The following GPC6 variants were observed in gnomAD, a reference collection of about 807,000 sequenced individuals.
GPC6 encodes glypican 6.
Under a neutral mutation model 55.2 loss-of-function variants are expected in GPC6, and 14 were observed. That is an observed-to-expected ratio of 0.25 (90% CI 0.17 to 0.40). The LOEUF is 0.40. Ranked by LOEUF, GPC6 falls within the 10% of genes least tolerant of loss-of-function variation. The pLI, the probability that GPC6 is intolerant of heterozygous loss-of-function variation, is 1.00. For synonymous variants in GPC6, 278 were observed against 259.6 expected, an observed-to-expected ratio of 1.07 and a Z score of -0.68; for missense variants, 641 against 708.5, an observed-to-expected ratio of 0.90 and a Z score of 1.08.
chr13:93,687,098 A>C (rs1292869305), intron 2 of GPC6, among the ~76,000 whole-genome samples: 1 of 152,046 alleles, frequency 6.6e-6, no homozygotes, highest in Non-Finnish European at 1.5e-5. Flanking sequence ...TTGCTGGAAT[A>C]TTTTCATTTC....
chr13:93,326,375 T>A (rs1346644245), intron 1 of GPC6, among the ~76,000 whole-genome samples: 1 of 152,092 alleles, frequency 6.6e-6, no homozygotes, highest in Non-Finnish European at 1.5e-5. Flanking sequence ...GGTCCATGGG[T>A]CATACTTTAA....
intron 4 of GPC6, among the ~76,000 whole-genome samples, chr13:94,119,019 T>C (rs1295302434): frequency 7.9e-6 from 1 of 126,152 alleles, no homozygotes; most frequent in East Asian, 2.1e-4. Flanking sequence ...TGTGTGTGTG[T>C]GTGTGTACAC....
chr13:94,305,688 C>T (rs1432325665), intron 5 of GPC6, among the ~76,000 whole-genome samples: 1 of 152,070 alleles, frequency 6.6e-6, no homozygotes, highest in Non-Finnish European at 1.5e-5. Flanking sequence ...TCTGGGGTTA[C>T]AAATAAATTT....
intron 2 of GPC6, among the ~76,000 whole-genome samples, chr13:93,777,234 A>T (rs1300355252): frequency 6.6e-6 from 1 of 152,102 alleles, no homozygotes; most frequent in Non-Finnish European, 1.5e-5. Flanking sequence ...TAATTTCCCA[A>T]GCCCCGTCTC....
At position 93,227,480 on chromosome 13, in the gene GPC6, G is replaced by C. The variant is rs1192981854; in HGVS notation, c.24G>C (p.Val8=). Residue 8 remains valine (V), a synonymous_variant, in exon 1 of 9, where the codon GTG becomes GTC. Coordinates refer to ENST00000377047, the MANE Select transcript of GPC6 (RefSeq NM_005708.5). The surrounding 1 kb of genome is among the most constrained non-coding windows in gnomAD (Gnocchi z 4.3). ...CCATGCCTTCTTGGATCGGGGCTGT[G>C]ATTCTTCCCCTCTTGGGGCTGCTGC... MPSWIGA[V]ILPLLGLLLS... The C allele has an allele frequency of 6.2e-7, 1 of 1,613,964 alleles. No individual in the cohort carries two copies. The highest frequency in any genetic ancestry group is 1.7e-5 in the Admixed American group (1 of 60,024).
chr13:93,428,218 T>A (rs368730834), intron 1 of GPC6, among the ~76,000 whole-genome samples: 1 of 152,228 alleles, frequency 6.6e-6, no homozygotes, highest in African/African-American at 2.4e-5. Flanking sequence ...TGAGGATTTA[T>A]GTATAATATA....
intron 1 of GPC6, among the ~76,000 whole-genome samples, chr13:93,411,560 A>G (rs1450264169): frequency 6.6e-6 from 1 of 152,160 alleles, no homozygotes; most frequent in African/African-American, 2.4e-5. Context: ...ATTATTCTCT[A>G]ATCAGTATGA....
At chr13:94,039,168 G>T (rs1259229166) in intron 4 of GPC6, among the ~76,000 whole-genome samples, 1 of 151,988 alleles carries the variant, frequency 6.6e-6, no homozygotes, top group Non-Finnish European at 1.5e-5. Context: ...TGTACATGGA[G>T]GTAAGGTTGG....
At chr13:93,983,408 A>C (rs896040752) in intron 3 of GPC6, among the ~76,000 whole-genome samples, 8 of 152,128 alleles carry the variant, frequency 5.3e-5, no homozygotes, top group African/African-American at 1.7e-4. Flanking sequence ...AGAACATAAC[A>C]CTGAGTTTAT....
chr13:93,939,418 A>AAAT (rs903732111), intron 3 of GPC6, among the ~76,000 whole-genome samples: 3 of 108,870 alleles, frequency 2.8e-5, no homozygotes, highest in East Asian at 3.2e-4. Context: ...ACTCTGTCTC[A>AAAT]AATAATAATA....
In GPC6 at chr13:93,948,767, G is replaced by A. The variant is rs111722765; in HGVS notation, c.712-78962G>A. Among the ~76,000 whole-genome samples the A allele has an allele frequency of 2.9e-4, 44 of 152,296 alleles. 1 individual carries two copies. The highest frequency in any genetic ancestry group is 7.9e-4 in the Admixed American group (12 of 15,278). ...AACACTAAAATTATATTTATGTGAT[G>A]ATGGAGATGTTTTTGTGGCATCTAA... On this transcript the variant is annotated intron_variant, in intron 3 of 8. Coordinates refer to ENST00000377047, the MANE Select transcript of GPC6 (RefSeq NM_005708.5).
intron 1 of GPC6, among the ~76,000 whole-genome samples, chr13:93,285,646 G>GTA (rs1878097614): frequency 1.0e-4 from 11 of 107,240 alleles, no homozygotes; most frequent in East Asian, 4.3e-4. Context: ...GTGTGTGTGT[G>GTA]TGTGTGTGTG....
chr13:93,337,406 T>G (rs977193358), intron 1 of GPC6, among the ~76,000 whole-genome samples: 2 of 152,198 alleles, frequency 1.3e-5, no homozygotes, highest in Non-Finnish European at 2.9e-5. Context: ...TTGTACTTAT[T>G]GTGTGCCAGG....
intron 4 of GPC6, among the ~76,000 whole-genome samples, chr13:94,143,574 A>G (rs1887457616): frequency 6.8e-6 from 1 of 146,790 alleles, no homozygotes; most frequent in African/African-American, 2.4e-5. Flanking sequence ...TGTGGTTCCC[A>G]TTCCAGCCTG....
At position 94,407,558 on chromosome 13, in the gene GPC6, C is replaced by T. The variant is rs1421637331; in HGVS notation, c.*4341C>T. On this transcript the variant is annotated 3_prime_UTR_variant, in exon 9 of 9. Transcript: ENST00000377047. ...GTGCCACTCTCCTAAGTACACTCAG[C>T]ATCTGAAATCAGGAACTATTTGAAC... Among the ~76,000 whole-genome samples, 1 of 152,124 alleles carries T rather than the reference C, an allele frequency of 6.6e-6. No homozygotes were observed. Among genetic ancestry groups the T allele is most frequent in the African/African-American group, 2.4e-5 (1 of 41,448 alleles).
At chr13:93,658,043 G>C (rs772616808) in intron 2 of GPC6, among the ~76,000 whole-genome samples, 1 of 151,926 alleles carries the variant, frequency 6.6e-6, no homozygotes, top group Non-Finnish European at 1.5e-5. Flanking sequence ...CAGTAAACCT[G>C]CACATGTACA....
At chr13:93,400,007 A>G (rs550049328) in intron 1 of GPC6, among the ~76,000 whole-genome samples, 1 of 152,310 alleles carries the variant, frequency 6.6e-6, no homozygotes, top group South Asian at 2.1e-4. Context: ...GTAAATTGAA[A>G]TAATCGCATA....
At chr13:93,285,638 G>GTGTGTGTGTGTGTGTA (rs1555287704) in intron 1 of GPC6, among the ~76,000 whole-genome samples, 119 of 150,772 alleles carry the variant, frequency 7.9e-4, no homozygotes, top group African/African-American at 2.8e-3. Context: ...GTGTGTGTGT[G>GTGTGTGTGTGTGTGTA]TGTGTGTGTG....
At chr13:93,927,129 A>G (rs1254260750) in intron 3 of GPC6, among the ~76,000 whole-genome samples, 1 of 152,102 alleles carries the variant, frequency 6.6e-6, no homozygotes, top group Non-Finnish European at 1.5e-5. Context: ...TGAGAAGTGA[A>G]CTCTCTCACT....
Sources: gnomAD v4.1 joint callset for allele counts (sites outside exome capture counted in the v4.1 genomes callset) on GRCh38, gnomAD v4.1.1 for gene constraint, Gnocchi (gnomAD v3.1) non-coding constraint, MANE v1.5 for transcripts, NCBI Gene and HGNC (gene_info 2026-07-23, HGNC 2026-07-21) for gene names.